Variants in FGF13 observed in about 807,000 individuals in gnomAD.
FGF13 encodes the protein fibroblast growth factor homologous factor 2.
FGF13 carries 2 observed loss-of-function variants against 19.5 expected under a neutral mutation model. The ratio of observed to expected loss-of-function variants is 0.10; its 90% CI spans 0.04 to 0.32. FGF13 has a LOEUF of 0.32. FGF13 is among the 10% of genes least tolerant of loss of function. The pLI, the probability that FGF13 is intolerant of heterozygous loss-of-function variation, is 1.00. For missense variants in FGF13, 113 were observed against 192.7 expected, an observed-to-expected ratio of 0.59 and a Z score of 2.45; for synonymous variants, 72 against 76.9, an observed-to-expected ratio of 0.94 and a Z score of 0.33.
chrX:139,102,264 C>T (rs993828572), intron 1 of FGF13, among the ~76,000 whole-genome samples: 10 of 111,536 alleles, frequency 9.0e-5, no homozygotes, highest in Non-Finnish European at 1.9e-4. Context: ...TTACTATGAA[C>T]GTGGCTCTGG....
At chrX:138,739,970 C>A (rs1360105227), upstream of FGF13, among the ~76,000 whole-genome samples, 1 of 111,849 alleles carries the variant, frequency 8.9e-6, no homozygotes, top group African/African-American at 3.2e-5. Flanking sequence ...CTAATTATAA[C>A]AAAGAGCAAG....
At chrX:138,779,784 C>G (rs749587709) in intron 3 of FGF13, among the ~76,000 whole-genome samples, 131 of 105,742 alleles carry the variant, frequency 1.2e-3, no homozygotes, top group Non-Finnish European at 2.0e-3. Context: ...GCAAGGCAGG[C>G]CAACGTTCAG....
chrX:139,016,359 G>T (rs1230580199), intron 1 of FGF13, among the ~76,000 whole-genome samples: 1 of 111,457 alleles, frequency 9.0e-6, no homozygotes, highest in African/African-American at 3.3e-5. Context: ...TGATGCTCAG[G>T]ATATCAAAGA....
intron 3 of FGF13, among the ~76,000 whole-genome samples, chrX:138,816,776 C>A (rs1251120212): frequency 1.8e-5 from 2 of 111,475 alleles, no homozygotes; most frequent in African/African-American, 6.5e-5. Flanking sequence ...TTTTTTAAAC[C>A]TCATCAGCTA....
In FGF13 at chrX:138,618,769, A is replaced by C. The variant is rs898685145; in HGVS notation, c.*14081T>G. ...AAAAACTTGAGCACTTCAGGGCACC[A>C]CGTTAGAGAAAACAAATGGGAAACT... is the stretch of plus-strand genomic sequence containing the variant. On this transcript the variant is annotated 3_prime_UTR_variant, in exon 5 of 5. Transcript: ENST00000315930. 1.8e-5 allele frequency: 2 copies of C among 111,993 alleles called. No homozygotes were observed. The highest frequency in any genetic ancestry group is 3.8e-4 in the South Asian group (1 of 2,641). The allele number at this position is 111,993 out of a possible 1,213,427, so 9.2% of individuals were successfully genotyped here.
chrX:139,155,054 G>C (rs191594221), intron 1 of FGF13, among the ~76,000 whole-genome samples: 76 of 111,672 alleles, frequency 6.8e-4, no homozygotes, highest in South Asian at 3.7e-4. Context: ...TCTAGATGGA[G>C]AATCTCAAAC....
At chrX:138,957,366 C>A (rs1186443559) in intron 1 of FGF13, among the ~76,000 whole-genome samples, 1 of 111,920 alleles carries the variant, frequency 8.9e-6, no homozygotes, top group African/African-American at 3.2e-5. Context: ...AATATATTTA[C>A]TTTTCATCTC....
At chrX:138,865,487 C>T (rs1465389892) in intron 1 of FGF13, among the ~76,000 whole-genome samples, 4 of 93,723 alleles carry the variant, frequency 4.3e-5, no homozygotes, top group African/African-American at 1.6e-4. Flanking sequence ...TCTCTCTCTC[C>T]TCTCTCTCTC....
In FGF13 at chrX:138,628,791, A is replaced by C. The variant is rs944012503; in HGVS notation, c.*4059T>G. ...AGCTTGACTGGCTTAAAACTGGAAC[A>C]AATGTACTGGTTAGGGAGGGGAGGA... On this transcript the variant is annotated 3_prime_UTR_variant, in exon 5 of 5. Coordinates refer to ENST00000315930, the MANE Select transcript of FGF13 (RefSeq NM_004114.5). 7 of 111,710 alleles carry C rather than the reference A, an allele frequency of 6.3e-5. No homozygotes were observed. The highest frequency in any genetic ancestry group is 2.3e-4 in the African/African-American group (7 of 30,762). The allele number at this position is 111,710 out of a possible 1,213,427, so 9.2% of individuals were successfully genotyped here.
chrX:138,874,484 C>T (rs1356180954), intron 1 of FGF13, among the ~76,000 whole-genome samples: 1 of 111,278 alleles, frequency 9.0e-6, no homozygotes, highest in African/African-American at 3.3e-5. Flanking sequence ...GACAGCCTCT[C>T]AAAGACAAGC....
intron 3 of FGF13, among the ~76,000 whole-genome samples, chrX:138,674,916 T>C (rs919932285): frequency 9.0e-6 from 1 of 111,280 alleles, no homozygotes; most frequent in Admixed American, 9.5e-5. Flanking sequence ...TGTGACAAAA[T>C]TGTCAAGGGC....
chrX:139,136,489 C>T (rs1051635015), intron 1 of FGF13, among the ~76,000 whole-genome samples: 1 of 110,949 alleles, frequency 9.0e-6, no homozygotes, highest in Non-Finnish European at 1.9e-5. Flanking sequence ...CAAGATCAAG[C>T]CCAGGTTCAA....
At chrX:138,774,351 G>C (rs1304318575) in intron 3 of FGF13, among the ~76,000 whole-genome samples, 1 of 111,853 alleles carries the variant, frequency 8.9e-6, no homozygotes, top group Non-Finnish European at 1.9e-5. Context: ...TGCTATGCAT[G>C]AGGAATTATT....
chrX:138,778,211 AT>A (rs1196345362), intron 3 of FGF13, among the ~76,000 whole-genome samples: 1 of 109,701 alleles, frequency 9.1e-6, no homozygotes, highest in East Asian at 2.9e-4. Context: ...TGGCACAGAT[AT>A]ATGAAAAGGT....
At chrX:139,112,934 A>T (rs1319804730) in intron 1 of FGF13, among the ~76,000 whole-genome samples, 1 of 109,109 alleles carries the variant, frequency 9.2e-6, no homozygotes, top group Non-Finnish European at 1.9e-5. Context: ...CATAGTAAGC[A>T]CAATATTTAT....
At chrX:138,962,677 G>T (rs1467182612) in intron 1 of FGF13, among the ~76,000 whole-genome samples, 1 of 112,014 alleles carries the variant, frequency 8.9e-6, no homozygotes, top group South Asian at 3.7e-4. Context: ...AAAAACGGAT[G>T]AGTTCATGTC....
chrX:138,799,846 CT>C (rs970771747), intron 3 of FGF13, among the ~76,000 whole-genome samples: 4 of 111,558 alleles, frequency 3.6e-5, no homozygotes, highest in Admixed American at 2.9e-4. Flanking sequence ...CCTTCTTTGT[CT>C]TTTTTTATCT....
At chrX:138,913,700 G>T (rs865945806) in intron 1 of FGF13, among the ~76,000 whole-genome samples, 1 of 79,916 alleles carries the variant, frequency 1.3e-5, no homozygotes, top group African/African-American at 4.4e-5. Context: ...AAGGAAGGAA[G>T]GAAGGAAAGA....
At chrX:139,099,377 CAAAAAAAAAA>C (rs59882808) in intron 1 of FGF13, among the ~76,000 whole-genome samples, 1 of 32,964 alleles carries the variant, frequency 3.0e-5, no homozygotes, top group African/African-American at 1.1e-4. Context: ...GTTTCTATCT[CAAAAAAAAAA>C]AAAAAAAAAA....
Sources: gnomAD v4.1 joint callset for allele counts (sites outside exome capture counted in the v4.1 genomes callset) on GRCh38, gnomAD v4.1.1 for gene constraint, MANE v1.5 for transcripts, NCBI Gene and HGNC (gene_info 2026-07-23, HGNC 2026-07-21) for gene names.